The following CD96 variants were observed in gnomAD, a reference collection of about 807,000 sequenced individuals.
CD96 encodes T-cell surface protein tactile.
CD96 carries 70 observed loss-of-function variants against 71.3 expected under a neutral mutation model. The observed-to-expected ratio is 0.98, with a 90% CI of 0.81 to 1.20. The LOEUF (loss-of-function observed/expected upper bound fraction) is 1.20. CD96 is among the 50% of genes most tolerant of loss of function. The pLI, the probability that CD96 is intolerant of heterozygous loss-of-function variation, is 0.00. For synonymous variants in CD96, 248 were observed against 233.0 expected (o/e 1.06, Z -0.59); for missense variants, 742 against 677.5 (o/e 1.10, Z -1.06).
downstream of CD96, among the ~76,000 whole-genome samples, chr3:111,653,616 T>A (rs1371840111): frequency 1.3e-5 from 2 of 152,180 alleles, no homozygotes; most frequent in Non-Finnish European, 2.9e-5. Context: ...TGAAATTGAC[T>A]TGTCCAAGGT....
At chr3:111,606,363 C>A (rs868837191) in intron 7 of CD96, among the ~76,000 whole-genome samples, 3 of 152,306 alleles carry the variant, frequency 2.0e-5, no homozygotes, top group African/African-American at 7.2e-5. Context: ...TTTACCAGGT[C>A]TTGGTAAAGT....
intron 5 of CD96, chr3:111,592,911 C>T (rs538202212): frequency 6.6e-6 from 1 of 152,266 alleles, no homozygotes; most frequent in East Asian, 1.9e-4. Flanking sequence ...ACTGATGAAA[C>T]AACTTTAATA....
chr3:111,601,689 C>T (rs899915602), intron 7 of CD96, among the ~76,000 whole-genome samples: 10 of 152,190 alleles, frequency 6.6e-5, no homozygotes, highest in African/African-American at 2.4e-4. Flanking sequence ...ATTATTACAA[C>T]TCTATAGGAG....
chr3:111,572,968 A>G (rs1050047178), intron 3 of CD96, among the ~76,000 whole-genome samples: 2 of 152,170 alleles, frequency 1.3e-5, no homozygotes, highest in African/African-American at 4.8e-5. Context: ...TCAGGTGCAA[A>G]TGGACAGTGT....
rs966337849 is a variant in CD96, at chr3:111,576,439, C to T, written c.544-2588C>T. Among the ~76,000 whole-genome samples the T allele has an allele frequency of 1.1e-4, 17 of 152,308 alleles. 1 individual carries two copies. The highest frequency in any genetic ancestry group is 3.4e-3 in the Middle Eastern group (1 of 294). The stretch of plus-strand genomic sequence containing the variant: ...TTGCCCTCACCCCTGTAATCTACAA[C>T]TCACATGAAAGGTTCTAGCTTTCTA... On this transcript the variant is annotated intron_variant, in intron 3 of 13. Coordinates refer to ENST00000352690, the MANE Select transcript of CD96 (RefSeq NM_005816.5).
intron 4 of CD96, among the ~76,000 whole-genome samples, chr3:111,580,491 A>G (rs1029933489): frequency 1.3e-5 from 2 of 152,158 alleles, no homozygotes; most frequent in African/African-American, 4.8e-5. Context: ...GAGATAAACA[A>G]AGAGAAAATA....
At chr3:111,593,863 A>G (rs1292620992) in intron 5 of CD96, 2 of 1,613,368 alleles carry the variant, frequency 1.2e-6, no homozygotes. Context: ...GACCATGGCC[A>G]CTCTTCTCCA....
At chr3:111,618,396 T>A (rs541838425) in intron 8 of CD96, among the ~76,000 whole-genome samples, 1 of 152,272 alleles carries the variant, frequency 6.6e-6, no homozygotes, top group South Asian at 2.1e-4. Context: ...CATACAATTA[T>A]TAGGAGAATC....
At chr3:111,586,390 C>G (rs1936714800) in intron 5 of CD96, among the ~76,000 whole-genome samples, 1 of 152,178 alleles carries the variant, frequency 6.6e-6, no homozygotes, top group African/African-American at 2.4e-5. Context: ...TAATTGCATA[C>G]AAATCATAGC....
rs1250535828 is a variant in CD96 at position 111,630,179 on chromosome 3, G to C, written c.1321+5775G>C. ...CCAAGATTGGAACTGAAATGAAGGA[G>C]ATAGACACACAAAAAACCTTTCAAT... On this transcript the variant is annotated intron_variant, in intron 10 of 13. Transcript: ENST00000352690. 7.9e-5 allele frequency among the ~76,000 whole-genome samples: 12 copies of C among 151,636 alleles called. 1 individual carries two copies. In the Middle Eastern group the frequency reaches 0.021, roughly 260 times the overall value.
At chr3:111,638,769 C>T (rs966366550) in intron 12 of CD96, among the ~76,000 whole-genome samples, 7 of 152,180 alleles carry the variant, frequency 4.6e-5, no homozygotes, top group African/African-American at 1.7e-4. Flanking sequence ...CATTTTGTGT[C>T]AAAGGTCATA....
intron 2 of CD96, among the ~76,000 whole-genome samples, chr3:111,553,998 C>T (rs1576306549): frequency 1.3e-5 from 2 of 151,782 alleles, no homozygotes; most frequent in South Asian, 2.1e-4. Context: ...ACTCTTTTCC[C>T]TTATTGGTCC....
At chr3:111,606,504 C>A (rs1937628712) in intron 7 of CD96, among the ~76,000 whole-genome samples, 196 bp from the exon 8 acceptor site, 1 of 152,136 alleles carries the variant, frequency 6.6e-6, no homozygotes, top group African/African-American at 2.4e-5. Flanking sequence ...AGTTTCCAGG[C>A]CATAGGCCCT....
At chr3:111,610,012 G>T (rs906831040) in intron 8 of CD96, among the ~76,000 whole-genome samples, 2 of 152,170 alleles carry the variant, frequency 1.3e-5, no homozygotes, top group Admixed American at 6.5e-5. Context: ...GAATTATTTG[G>T]TTCAAAATGT....
rs1576360974 is a variant in CD96 at position 111,592,581 on chromosome 3, TCC to T, written c.808-5536_808-5535del. Among the ~76,000 whole-genome samples the T allele has an allele frequency of 2.6e-5, 4 of 152,100 alleles. No homozygotes were observed. In the East Asian group the frequency reaches 7.7e-4, roughly 29 times the overall value. On this transcript the variant is annotated intron_variant, in intron 5 of 13. Transcript: ENST00000352690. ...ATTTTCCCTAGAGCACTGTCTCTCT[TCC>T]CCATCTTTGCATTTCTTCTCTATCC...
chr3:111,631,887 C>G (rs1050873596), intron 10 of CD96, among the ~76,000 whole-genome samples: 2 of 152,166 alleles, frequency 1.3e-5, no homozygotes, highest in African/African-American at 4.8e-5. Flanking sequence ...AAAGGATTCC[C>G]TATTTAATAA....
chr3:111,633,518 A>G (rs531345546), intron 10 of CD96, among the ~76,000 whole-genome samples: 18 of 152,328 alleles, frequency 1.2e-4, no homozygotes, highest in African/African-American at 4.3e-4. Context: ...AAAAATAAAA[A>G]TAAAAAAAAC....
At chr3:111,640,484 G>C (rs1470149856) in intron 12 of CD96, among the ~76,000 whole-genome samples, 2 of 152,088 alleles carry the variant, frequency 1.3e-5, no homozygotes, top group Admixed American at 6.5e-5. Context: ...CAAAAGTCTG[G>C]GATTATGTTA....
chr3:111,641,583 A>G (rs955978398), intron 12 of CD96, among the ~76,000 whole-genome samples: 1 of 152,266 alleles, frequency 6.6e-6, no homozygotes, highest in African/African-American at 2.4e-5. Flanking sequence ...AACACTAGAC[A>G]GGTCATCAAA....
Sources: allele counts gnomAD v4.1 joint callset (sites outside exome capture counted in the v4.1 genomes callset), GRCh38; gene constraint gnomAD v4.1.1; transcripts MANE v1.5; gene names NCBI Gene and HGNC (gene_info 2026-07-23, HGNC 2026-07-21).